TMEM9: variants seen among roughly 807,000 people sequenced by gnomAD.
TMEM9 encodes transmembrane protein 9.
Under a neutral mutation model 22.8 loss-of-function variants are expected in TMEM9, and 13 were observed. The ratio of observed to expected loss-of-function variants is 0.57; its 90% CI spans 0.37 to 0.91. The LOEUF (loss-of-function observed/expected upper bound fraction) is 0.91. Ranked by LOEUF, TMEM9 falls within the 40% of genes least tolerant of loss-of-function variation. TMEM9 has a pLI of 0.01. For synonymous variants in TMEM9, 88 were observed against 93.0 expected (o/e 0.95, Z 0.31); for missense variants, 182 against 238.1 (o/e 0.76, Z 1.55).
rs57281429 is a variant in TMEM9 at position 201,165,150 on chromosome 1, TTATATATATATA to T, written c.-37+6328_-37+6339del. 5.1e-3 allele frequency among the ~76,000 whole-genome samples: 441 copies of T among 87,094 alleles called. 10 individuals are homozygous for T. The highest frequency in any genetic ancestry group is 8.1e-3 in the Non-Finnish European group (318 of 39,142). The allele number at this position is 87,094 out of a possible 152,430, so 57.1% of individuals were successfully genotyped here. On this transcript the variant is annotated intron_variant, in intron 1 of 5. Coordinates refer to the TMEM9 transcript ENST00000367333. ...CATTTTATCACTTTTTAAGAGAAAATTATATATATATATATATATATATATATATTCATTATC... is the reference window on the plus strand; with the variant it reads ...CATTTTATCACTTTTTAAGAGAAAATTATATATATATATATATTCATTATC...
chr1:201,150,785 G>A (rs770652738), intron 2 of TMEM9, among the ~76,000 whole-genome samples: 18 of 152,102 alleles, frequency 1.2e-4, no homozygotes, highest in Non-Finnish European at 2.4e-4. Context: ...AATCAAAATC[G>A]AGCAGTGGTG....
At chr1:201,146,469 A>G (rs1664979953) in intron 3 of TMEM9, 1 of 546,104 alleles carries the variant, frequency 1.8e-6, no homozygotes, top group African/African-American at 1.9e-5. Context: ...TAAACTGTAA[A>G]GAATGCAGGG....
upstream of TMEM9, among the ~76,000 whole-genome samples, chr1:201,157,328 G>A (rs1480511561): frequency 1.3e-5 from 2 of 152,130 alleles, no homozygotes; most frequent in Non-Finnish European, 2.9e-5. Context: ...CTTTCTTACT[G>A]TACATGTGCT....
chr1:201,135,831 A>G lies in TMEM9; in HGVS notation c.400-16T>C, dbSNP rs1441640075. On this transcript the variant is annotated splice_polypyrimidine_tract_variant and intron_variant, in intron 4 of 4. Transcript: ENST00000367330. ...AGCGAGCATCCTGTAGTGGGAAGAA[A>G]AAAAGAGAAGATCTGGCACGGTAAG... The G allele has an allele frequency of 3.2e-6, 5 of 1,578,360 alleles. No homozygotes were observed. In the South Asian group the frequency reaches 5.8e-5, roughly 18 times the overall value.
intron 1 of TMEM9, 51 bp from the exon 2 acceptor site, chr1:201,151,903 G>A (rs759925354): frequency 1.5e-5 from 22 of 1,429,112 alleles, no homozygotes; most frequent in Non-Finnish European, 2.1e-5. Flanking sequence ...CTGGGGTTCA[G>A]GGGGTTCAGG....
chr1:201,148,046 T>C (rs950198515), intron 2 of TMEM9, among the ~76,000 whole-genome samples: 1 of 152,230 alleles, frequency 6.6e-6, no homozygotes, highest in African/African-American at 2.4e-5. Flanking sequence ...ATCTCCATAT[T>C]CCCAGTACCT....
Position 201,135,821 on chromosome 1 carries a change from G to GTGGGAAGAAAAAA in TMEM9, c.400-19_400-7dup. 3.2e-6 allele frequency: 5 copies of GTGGGAAGAAAAAA among 1,587,232 alleles called. No homozygotes were observed. The highest frequency in any genetic ancestry group is 4.3e-6 in the Non-Finnish European group (5 of 1,168,514). On this transcript the variant is annotated splice_polypyrimidine_tract_variant and splice_region_variant and intron_variant, in intron 4 of 4. Coordinates refer to ENST00000367330, the MANE Select transcript of TMEM9 (RefSeq NM_001288565.2). Reference sequence around the variant, plus strand: ...GCTGCCATAGAGCGAGCATCCTGTAGTGGGAAGAAAAAAAGAGAAGATCTG... The same window carrying GTGGGAAGAAAAAA: ...GCTGCCATAGAGCGAGCATCCTGTAGTGGGAAGAAAAAATGGGAAGAAAAAAAGAGAAGATCTG...
chr1:201,139,136 T>C (rs1461746358), intron 4 of TMEM9, among the ~76,000 whole-genome samples: 2 of 152,220 alleles, frequency 1.3e-5, no homozygotes, highest in Non-Finnish European at 2.9e-5. Context: ...GCACTGGTTC[T>C]GAGCTGGCAC....
chr1:201,169,599 G>C (rs1454487639), intron 1 of TMEM9, among the ~76,000 whole-genome samples: 3 of 152,212 alleles, frequency 2.0e-5, no homozygotes, highest in Non-Finnish European at 2.9e-5. Context: ...AAAAATCTTG[G>C]TGGTGATAGC....
In TMEM9 at chr1:201,154,036, G is replaced by A; in HGVS notation, c.-113C>T. Reference sequence around the variant, plus strand: ...CAGCACGCTAGGCCCTTAACCATCCGGCCAAGTGGGAATGGGGTTGGGGGC... The same window carrying A: ...CAGCACGCTAGGCCCTTAACCATCCAGCCAAGTGGGAATGGGGTTGGGGGC... On this transcript the variant is annotated 5_prime_UTR_variant, in exon 1 of 5. Transcript: ENST00000367330. 4.7e-6 allele frequency: 6 copies of A among 1,287,550 alleles called. No individual in the cohort carries two copies. The South Asian group carries it at 9.0e-5, about 19-fold the overall frequency. The allele number at this position is 1,287,550 out of a possible 1,614,324, so 79.8% of individuals were successfully genotyped here. A position where few individuals can be genotyped will look rare whatever the true frequency, so the allele number is the denominator to read the frequency against.
intron 1 of TMEM9, 169 bp downstream of exon 1, chr1:201,153,689 A>G: frequency 6.6e-7 from 1 of 1,504,848 alleles, no homozygotes; most frequent in East Asian, 2.5e-5. Context: ...CACTATCCTT[A>G]GGGAGGCCAG....
rs1179136758 is a variant in TMEM9, at chr1:201,134,957, G to A, written c.*706C>T. On this transcript the variant is annotated 3_prime_UTR_variant, in exon 5 of 5. Coordinates refer to ENST00000367330, the MANE Select transcript of TMEM9 (RefSeq NM_001288565.2). ...AGTCTCATGTTCCAACCGACCGTCT[G>A]GCTCAGTGACTGTGGACACTGGGGA... 1 of 152,794 alleles carries A rather than the reference G, an allele frequency of 6.5e-6. No individual in the cohort carries two copies. Among genetic ancestry groups the A allele is most frequent in the Non-Finnish European group, 1.5e-5 (1 of 68,074 alleles). The allele number at this position is 152,794 out of a possible 1,614,324, so 9.5% of individuals were successfully genotyped here.
At chr1:201,137,413 G>A (rs1664098448) in intron 4 of TMEM9, among the ~76,000 whole-genome samples, 1 of 151,536 alleles carries the variant, frequency 6.6e-6, no homozygotes, top group African/African-American at 2.4e-5. Flanking sequence ...AGTAAATGTA[G>A]TCATTGAGAC....
At chr1:201,158,461 G>A (rs1665859955), upstream of TMEM9, among the ~76,000 whole-genome samples, 1 of 152,026 alleles carries the variant, frequency 6.6e-6, no homozygotes, top group South Asian at 2.1e-4. Context: ...CAGGGGCAGT[G>A]TAGGGAGAGC....
At chr1:201,161,128 A>G (rs1271854044) in intron 1 of TMEM9, among the ~76,000 whole-genome samples, 1 of 152,208 alleles carries the variant, frequency 6.6e-6, no homozygotes, top group Non-Finnish European at 1.5e-5. Flanking sequence ...AAAATTTAGC[A>G]CGAAGAGTGG....
intron 1 of TMEM9, among the ~76,000 whole-genome samples, chr1:201,166,604 C>G (rs1666085141): frequency 6.6e-6 from 1 of 151,930 alleles, no homozygotes. Context: ...CTCAAGTGAC[C>G]CGCCTGCGTT....
At chr1:201,146,206 T>G (rs886356262) in intron 3 of TMEM9, among the ~76,000 whole-genome samples, 2 of 152,150 alleles carry the variant, frequency 1.3e-5, no homozygotes, top group African/African-American at 4.8e-5. Context: ...TTTCCTGAAT[T>G]CACCCAAATG....
At chr1:201,138,812 G>A (rs994948176) in intron 4 of TMEM9, among the ~76,000 whole-genome samples, 2 of 152,254 alleles carry the variant, frequency 1.3e-5, no homozygotes, top group African/African-American at 4.8e-5. Flanking sequence ...CTGCATGGCT[G>A]TTTAGTGGCC....
chr1:201,137,520 TGAAAA>T (rs1664116913), intron 4 of TMEM9, among the ~76,000 whole-genome samples: 1 of 135,160 alleles, frequency 7.4e-6, no homozygotes, highest in Non-Finnish European at 1.6e-5. Flanking sequence ...ACACACAGAG[TGAAAA>T]GAAGTTTCAT....
Sources: gnomAD v4.1 joint callset for allele counts (sites outside exome capture counted in the v4.1 genomes callset) on GRCh38, gnomAD v4.1.1 for gene constraint, MANE v1.5 for transcripts, NCBI Gene and HGNC (gene_info 2026-07-23, HGNC 2026-07-21) for gene names.